Variants in CSNK1G3 observed in about 807,000 individuals in gnomAD.
The protein encoded by CSNK1G3 is casein kinase I isoform gamma-3.
Under a neutral mutation model 64.3 loss-of-function variants are expected in CSNK1G3, and 23 were observed. That is an observed-to-expected ratio of 0.36 (90% CI 0.26 to 0.51). CSNK1G3 has a LOEUF of 0.51. Ranked by LOEUF, CSNK1G3 falls within the 20% of genes least tolerant of loss-of-function variation. The pLI is 0.96. For missense variants in CSNK1G3, 357 were observed against 510.5 expected, an observed-to-expected ratio of 0.70 and a Z score of 2.90; for synonymous variants, 158 against 162.2, an observed-to-expected ratio of 0.97 and a Z score of 0.20.
At chr5:123,613,731 T>C (rs1365884774) in intron 12 of CSNK1G3, among the ~76,000 whole-genome samples, 1 of 152,164 alleles carries the variant, frequency 6.6e-6, no homozygotes, top group East Asian at 1.9e-4. Context: ...TATACAGTTT[T>C]GACTTGTAAA....
intron 4 of CSNK1G3, among the ~76,000 whole-genome samples, chr5:123,571,050 G>T (rs1011047186): frequency 3.2e-4 from 48 of 152,084 alleles, no homozygotes; most frequent in Admixed American, 5.9e-4. Flanking sequence ...CACATGTGAG[G>T]GGTAGATATG....
chr5:123,545,756 TTCA>T lies in CSNK1G3; in HGVS notation c.96_98del (p.Ser34del), dbSNP rs769380038. 4 of 1,613,732 alleles carry T rather than the reference TTCA, an allele frequency of 2.5e-6. No individual in the cohort carries two copies. The East Asian group carries it at 8.9e-5, about 36-fold the overall frequency. ...GACACAACACTCGAGGAACTGGGTC[TTCA>T]TCGTCTGGAGTTTTAATGGTTGGAC... On this transcript the variant is annotated inframe_deletion, in exon 2 of 13. Transcript: ENST00000345990.
At chr5:123,552,962 TC>T (rs1783974413) in intron 2 of CSNK1G3, 144 bp from the exon 3 acceptor site, 1 of 460,728 alleles carries the variant, frequency 2.2e-6, no homozygotes, top group Non-Finnish European at 4.0e-6. Flanking sequence ...TTTGAATATT[TC>T]CTTGTTAAGT....
intron 1 of CSNK1G3, among the ~76,000 whole-genome samples, chr5:123,520,337 G>T (rs748100119): frequency 3.9e-5 from 6 of 152,094 alleles, no homozygotes; most frequent in South Asian, 2.1e-4. Context: ...TCTTCTGGAA[G>T]AATATTTATG....
At chr5:123,515,519 G>C (rs1275845840) in intron 1 of CSNK1G3, among the ~76,000 whole-genome samples, 1 of 152,142 alleles carries the variant, frequency 6.6e-6, no homozygotes, top group Non-Finnish European at 1.5e-5. Flanking sequence ...TAGTAACAGA[G>C]GGATGATAAG....
chr5:123,588,208 T>C (rs1561582038), intron 7 of CSNK1G3, 55 bp downstream of exon 7: 1 of 1,300,776 alleles, frequency 7.7e-7, no homozygotes, highest in Non-Finnish European at 1.1e-6. Flanking sequence ...GATATTAAGG[T>C]CCTGTCTTCC....
chr5:123,521,894 T>G (rs1392871658), intron 1 of CSNK1G3, among the ~76,000 whole-genome samples: 1 of 152,126 alleles, frequency 6.6e-6, no homozygotes, highest in East Asian at 1.9e-4. Context: ...ATTCTACCCA[T>G]GCTAATTTAT....
chr5:123,530,086 C>CAA (rs780395896), intron 1 of CSNK1G3, among the ~76,000 whole-genome samples: 8 of 127,754 alleles, frequency 6.3e-5, no homozygotes, highest in African/African-American at 2.0e-4. Flanking sequence ...GACCCTGTCT[C>CAA]AAAAAAAAAA....
intron 4 of CSNK1G3, among the ~76,000 whole-genome samples, chr5:123,565,671 G>A (rs940407899): frequency 1.3e-5 from 2 of 152,180 alleles, no homozygotes; most frequent in Admixed American, 6.5e-5. Context: ...GGTTCTGTAG[G>A]CTGTATAGGA....
At chr5:123,513,325 T>TGA (rs1292876220) in intron 1 of CSNK1G3, among the ~76,000 whole-genome samples, 1 of 152,054 alleles carries the variant, frequency 6.6e-6, no homozygotes, top group Non-Finnish European at 1.5e-5. Flanking sequence ...GAGATGTGTG[T>TGA]CTACTCGTGG....
chr5:123,550,627 A>G (rs759527766), intron 2 of CSNK1G3, among the ~76,000 whole-genome samples: 25 of 152,202 alleles, frequency 1.6e-4, no homozygotes, highest in Non-Finnish European at 7.3e-5. Context: ...AAAATTGGTA[A>G]AACTATATTT....
At chr5:123,579,083 C>A (rs1047874862) in intron 6 of CSNK1G3, among the ~76,000 whole-genome samples, 1 of 151,774 alleles carries the variant, frequency 6.6e-6, no homozygotes, top group Non-Finnish European at 1.5e-5. Flanking sequence ...TCTTGGAGGT[C>A]GTCTAATCCA....
At chr5:123,571,651 C>T (rs1788134382) in intron 4 of CSNK1G3, among the ~76,000 whole-genome samples, 1 of 151,796 alleles carries the variant, frequency 6.6e-6, no homozygotes, top group Admixed American at 6.6e-5. Flanking sequence ...CTATTCTGTC[C>T]TGCAATGATT....
Position 123,605,367 on chromosome 5 carries a change from G to C in CSNK1G3, c.1217+5G>C, listed in dbSNP as rs1795184180. ...CCAGAAAGTGTTGAACATGTGGTGA[G>C]TCTCAAGTGTAGGCAGGCAGAAATA... On this transcript the variant is annotated splice_donor_5th_base_variant and intron_variant, in intron 12 of 12. Coordinates refer to ENST00000345990, the Ensembl canonical transcript of CSNK1G3. 1 of 1,610,096 alleles carries C rather than the reference G, an allele frequency of 6.2e-7. No homozygotes were observed.
exon 9 of CSNK1G3, chr5:123,590,503 T>A (rs775118155): frequency 1.3e-6 from 2 of 1,545,702 alleles, no homozygotes; most frequent in South Asian, 2.6e-5. Context: ...ACTGACTTGT[T>A]TGATCGAAAA....
chr5:123,515,140 A>G (rs1776919792), intron 1 of CSNK1G3, among the ~76,000 whole-genome samples: 1 of 152,208 alleles, frequency 6.6e-6, no homozygotes, highest in South Asian at 2.1e-4. Context: ...AAATCAATCC[A>G]GACTGTAAAA....
intron 6 of CSNK1G3, among the ~76,000 whole-genome samples, chr5:123,579,940 A>G (rs1030509089): frequency 6.6e-6 from 1 of 151,980 alleles, no homozygotes; most frequent in African/African-American, 2.4e-5. Flanking sequence ...TTCCTATTTA[A>G]AAAGTTAAGA....
intron 1 of CSNK1G3, among the ~76,000 whole-genome samples, chr5:123,532,581 A>G (rs925607921): frequency 6.6e-6 from 1 of 151,978 alleles, no homozygotes; most frequent in East Asian, 1.9e-4. Flanking sequence ...AATTCTCAGG[A>G]AGTGTATGGA....
At chr5:123,555,872 C>T (rs1394660081) in intron 3 of CSNK1G3, among the ~76,000 whole-genome samples, 1 of 152,008 alleles carries the variant, frequency 6.6e-6, no homozygotes, top group African/African-American at 2.4e-5. Context: ...CTTTTTATTG[C>T]ATCTTAAGGT....
Sources: gnomAD v4.1 joint callset for allele counts (sites outside exome capture counted in the v4.1 genomes callset) on GRCh38, gnomAD v4.1.1 for gene constraint, MANE v1.5 for transcripts, NCBI Gene and HGNC (gene_info 2026-07-23, HGNC 2026-07-21) for gene names.